SCN2A: variants seen among roughly 807,000 people sequenced by gnomAD.
SCN2A encodes the protein sodium voltage-gated channel alpha subunit 2.
SCN2A carries 20 observed loss-of-function variants against 188.7 expected under a neutral mutation model. The observed-to-expected ratio is 0.11, with a 90% CI of 0.07 to 0.15. SCN2A has a LOEUF of 0.15. Among genes scored for constraint, SCN2A ranks in the 10% least tolerant of loss-of-function variants. SCN2A has a pLI of 1.00. For synonymous variants in SCN2A, 804 were observed against 833.1 expected, an observed-to-expected ratio of 0.97 and a Z score of 0.60; for missense variants, 1,278 against 2,445.0, an observed-to-expected ratio of 0.52 and a Z score of 10.07.
At chr2:165,379,247 G>A (rs543410345) in intron 23 of SCN2A, among the ~76,000 whole-genome samples, 2 of 151,706 alleles carry the variant, frequency 1.3e-5, no homozygotes, top group African/African-American at 4.8e-5. Context: ...ATATAGTGAT[G>A]AAAATGAATG....
intron 14 of SCN2A, among the ~76,000 whole-genome samples, chr2:165,332,383 G>A (rs555634099): frequency 6.6e-6 from 1 of 151,876 alleles, no homozygotes; most frequent in African/African-American, 2.4e-5. Context: ...GATAAAGTTG[G>A]CATATGTTGG....
At chr2:165,309,592 A>G (rs1697326483) in intron 6 of SCN2A, 149 bp downstream of exon 6, 2 of 1,020,436 alleles carry the variant, frequency 2.0e-6, no homozygotes, top group South Asian at 1.4e-5. Flanking sequence ...GATGGATTTG[A>G]TTCTTTGCTT....
intron 17 of SCN2A, among the ~76,000 whole-genome samples, chr2:165,357,614 C>A (rs1187754830): frequency 6.6e-6 from 1 of 151,918 alleles, no homozygotes; most frequent in Admixed American, 6.6e-5. Context: ...AATGTTATTT[C>A]GATTATATTA....
chr2:165,380,572 CAA>C lies in SCN2A; in HGVS notation c.4309-19_4309-18del. 6.5e-7 allele frequency: 1 copy of C among 1,546,232 alleles called. No homozygotes were observed. Among genetic ancestry groups the C allele is most frequent in the Non-Finnish European group, 8.9e-7 (1 of 1,120,048 alleles). ...AAACAAGTACTAGATATAATGGTTACAATTCTTCATATTCTTTAGGTAGAATT... is the reference window on the plus strand; with the variant it reads ...AAACAAGTACTAGATATAATGGTTACTTCTTCATATTCTTTAGGTAGAATT... On this transcript the variant is annotated intron_variant, in intron 23 of 26. Transcript: ENST00000375437.
chr2:165,298,585 T>A (rs1696629447), intron 3 of SCN2A, among the ~76,000 whole-genome samples: 1 of 152,232 alleles, frequency 6.6e-6, no homozygotes, highest in African/African-American at 2.4e-5. Flanking sequence ...TACCTCTCTC[T>A]GTTTTCCAAA....
intron 21 of SCN2A, 142 bp downstream of exon 21, chr2:165,373,489 A>G: frequency 2.1e-6 from 2 of 931,762 alleles, no homozygotes; most frequent in Non-Finnish European, 3.2e-6. Context: ...AATAATATTT[A>G]CCAGATGCCC....
intron 1 of SCN2A, among the ~76,000 whole-genome samples, chr2:165,280,130 A>G (rs1695522894): frequency 6.6e-6 from 1 of 152,166 alleles, no homozygotes; most frequent in Non-Finnish European, 1.5e-5. Context: ...AAAACAGACT[A>G]ATACATTCTG....
chr2:165,267,961 G>A (rs1694946127), intron 1 of SCN2A: 1 of 152,008 alleles, frequency 6.6e-6, no homozygotes, highest in Non-Finnish European at 1.5e-5. Flanking sequence ...GCGTTGGTAA[G>A]GATGTGGAGA....
chr2:165,276,311 G>A (rs186123925), intron 1 of SCN2A, among the ~76,000 whole-genome samples: 1 of 151,830 alleles, frequency 6.6e-6, no homozygotes, highest in Non-Finnish European at 1.5e-5. Context: ...AAATACAAAC[G>A]CAACAATTCC....
At chr2:165,375,629 G>A (rs1701269464) in intron 22 of SCN2A, among the ~76,000 whole-genome samples, 3 of 152,012 alleles carry the variant, frequency 2.0e-5, no homozygotes, top group African/African-American at 7.2e-5. Context: ...AACAGAAAAA[G>A]TATTTCAAAA....
chr2:165,354,720 G>C (rs1324494400), intron 17 of SCN2A, 49 bp downstream of exon 17: 2 of 1,583,580 alleles, frequency 1.3e-6, no homozygotes, highest in Non-Finnish European at 1.7e-6. Context: ...TAATTCTGTT[G>C]TTTAAAATTA....
chr2:165,258,652 T>C (rs946261278), intron 1 of SCN2A, among the ~76,000 whole-genome samples: 1 of 152,242 alleles, frequency 6.6e-6, no homozygotes, highest in African/African-American at 2.4e-5. Context: ...ACTGCAGCAC[T>C]GTTCACAATA....
chr2:165,371,502 G>A (rs1307122101), intron 20 of SCN2A: 2 of 152,184 alleles, frequency 1.3e-5, no homozygotes, highest in East Asian at 1.9e-4. Context: ...AGGAGGAAAG[G>A]CTTCAATAGG....
Position 165,390,812 on chromosome 2 carries a change from C to A in SCN2A, c.*988C>A, listed in dbSNP as rs1234567710. The A allele has an allele frequency of 6.6e-6, 1 of 152,480 alleles. No individual in the cohort carries two copies. Among genetic ancestry groups the A allele is most frequent in the South Asian group, 2.1e-4 (1 of 4,830 alleles). The allele number at this position is 152,480 out of a possible 1,614,324, so 9.4% of individuals were successfully genotyped here. ...AATTGACCAAAAAACATCCCCACCA[C>A]CACTTTATAAAGTTGATTCTGCTTT... On this transcript the variant is annotated 3_prime_UTR_variant, in exon 27 of 27. Transcript: ENST00000375437.
chr2:165,377,748 T>A, intron 23 of SCN2A, 98 bp downstream of exon 23: 1 of 991,696 alleles, frequency 1.0e-6, no homozygotes, highest in Non-Finnish European at 1.5e-6. Context: ...AATTATGTGC[T>A]TAATTTATAA....
chr2:165,380,771 T>C, intron 24 of SCN2A, 42 bp downstream of exon 24: 1 of 1,448,776 alleles, frequency 6.9e-7, no homozygotes, highest in Non-Finnish European at 9.6e-7. Context: ...AAATATGAAC[T>C]AAATATTTCA....
At chr2:165,375,071 CAG>C (rs1027613698) in intron 22 of SCN2A, 105 bp downstream of exon 22, 1 of 980,998 alleles carries the variant, frequency 1.0e-6, no homozygotes, top group African/African-American at 1.6e-5. Flanking sequence ...TATTATCAAA[CAG>C]ATAAATGACA....
intron 22 of SCN2A, 147 bp downstream of exon 22, chr2:165,375,113 G>A (rs1701241487): frequency 1.4e-6 from 1 of 735,982 alleles, no homozygotes; most frequent in African/African-American, 1.8e-5. Flanking sequence ...TGAAGAAAAG[G>A]GAACCCTTGT....
Position 165,296,078 on chromosome 2 carries a change from T to C in SCN2A, c.255T>C (p.Tyr85=), listed in dbSNP as rs199657941. ...CCCTGGAGGATCTGGACCCCTACTA[T>C]ATCAATAAGAAAGTGAGTTCTTAGT... is the stretch of plus-strand genomic sequence containing the variant. ...SVPLEDLDPY[Y]INKKTFIVLN... The change falls in exon 2 of 27, where the codon TAT becomes TAC. Residue 85 remains tyrosine (Y), a synonymous_variant. Transcript: ENST00000375437. 1.2e-6 allele frequency: 2 copies of C among 1,613,418 alleles called. No homozygotes were observed. The highest frequency in any genetic ancestry group is 3.3e-5 in the Admixed American group (2 of 60,020).
Sources: gnomAD v4.1 joint callset for allele counts (sites outside exome capture counted in the v4.1 genomes callset) on GRCh38, gnomAD v4.1.1 for gene constraint, MANE v1.5 for transcripts, NCBI Gene and HGNC (gene_info 2026-07-23, HGNC 2026-07-21) for gene names.